The following PCDHGB4 variants were observed in gnomAD, a reference collection of about 807,000 sequenced individuals.
The protein encoded by PCDHGB4 is protocadherin gamma subfamily B, 4, also known as protocadherin gamma-B4.
In PCDHGB4, 38 loss-of-function variants were observed where a neutral mutation model predicts 60.5. That is an observed-to-expected ratio of 0.63 (90% CI 0.48 to 0.82). PCDHGB4 has a LOEUF of 0.82. Among genes scored for constraint, PCDHGB4 ranks in the 40% least tolerant of loss-of-function variants. The pLI, the probability that PCDHGB4 is intolerant of heterozygous loss-of-function variation, is 0.00. For missense variants in PCDHGB4, 1,109 were observed against 1,209.6 expected (o/e 0.92, Z 1.23); for synonymous variants, 456 against 509.7 (o/e 0.89, Z 1.42).
intron 2 of PCDHGB4, among the ~76,000 whole-genome samples, chr5:141,501,294 C>CAT (rs200497585): frequency 0.16 from 9,924 of 62,810 alleles, 350 homozygotes; most frequent in Non-Finnish European, 0.25. Flanking sequence ...CCCTTATACA[C>CAT]ACACACACAC....
intron 1 of PCDHGB4, among the ~76,000 whole-genome samples, chr5:141,480,259 G>A (rs1285833242): frequency 2.0e-5 from 3 of 151,174 alleles, no homozygotes; most frequent in African/African-American, 7.3e-5. Flanking sequence ...AAAAAAATGT[G>A]TTTTCATTAG....
chr5:141,456,299 A>G (rs11167748), intron 1 of PCDHGB4, among the ~76,000 whole-genome samples: 25,602 of 152,048 alleles, frequency 0.17, 2,205 homozygotes, highest in South Asian at 0.22. Context: ...TCTAATGGAG[A>G]ACAGCAGCTA....
At chr5:141,436,053 A>G (rs971342534) in intron 1 of PCDHGB4, among the ~76,000 whole-genome samples, 2 of 152,232 alleles carry the variant, frequency 1.3e-5, no homozygotes, top group African/African-American at 2.4e-5. Flanking sequence ...TAGTTTTCAA[A>G]TAGAATTTAA....
chr5:141,420,422 A>C, intron 1 of PCDHGB4: 1 of 1,196,438 alleles, frequency 8.4e-7, no homozygotes, highest in Non-Finnish European at 1.1e-6. Context: ...TATTAAAACA[A>C]AAGTTTAAAT....
Position 141,489,398 on chromosome 5 carries a change from G to A in PCDHGB4, c.2398-5409G>A, listed in dbSNP as rs2099686644. On this transcript the variant is annotated intron_variant, in intron 1 of 3. Transcript: ENST00000519479. This position sits in a 1 kb window ranked among gnomAD's most constrained non-coding sequence, Gnocchi z 4.5. The stretch of plus-strand genomic sequence containing the variant: ...GTGGGGAATGTTGCTCAGGATCTGG[G>A]CTTAAAGATGACAGATCTGTTGAGC... 6.2e-7 allele frequency: 1 copy of A among 1,614,064 alleles called. No homozygotes were observed. The highest frequency in any genetic ancestry group is 1.3e-5 in the African/African-American group (1 of 74,910).
chr5:141,404,738 A>C (rs1361110725), intron 1 of PCDHGB4: 24 of 1,613,674 alleles, frequency 1.5e-5, no homozygotes, highest in Non-Finnish European at 1.9e-5. Flanking sequence ...GGCAGTGGAC[A>C]GAGACTCAGG....
In PCDHGB4 at chr5:141,415,715, T is replaced by G. The variant is rs1051923200; in HGVS notation, c.2397+25434T>G. 4 of 1,428,132 alleles carry G rather than the reference T, an allele frequency of 2.8e-6. No individual in the cohort carries two copies. In the African/African-American group the frequency reaches 4.5e-5, roughly 16 times the overall value. The allele number at this position is 1,428,132 out of a possible 1,614,324, so 88.5% of individuals were successfully genotyped here. Reference sequence around the variant, plus strand: ...GAAAGTGTAAATGCTAAAACACTGATGAGTAGAATTTGATGTTTATTAAGG... The same window carrying G: ...GAAAGTGTAAATGCTAAAACACTGAGGAGTAGAATTTGATGTTTATTAAGG... On this transcript the variant is annotated intron_variant, in intron 1 of 3. Transcript: ENST00000519479.
chr5:141,421,410 G>A lies in PCDHGB4; in HGVS notation c.2397+31129G>A, dbSNP rs538537555. On this transcript the variant is annotated intron_variant, in intron 1 of 3. Transcript: ENST00000519479. ...TGGGGCTGGAGCCCCGGGAGCTGGCGAAGCGCGGAGTCCGCATCGTCTCCA... is the reference window on the plus strand; with the variant it reads ...TGGGGCTGGAGCCCCGGGAGCTGGCAAAGCGCGGAGTCCGCATCGTCTCCA... The A allele has an allele frequency of 3.7e-6, 6 of 1,614,084 alleles. No homozygotes were observed. In the African/African-American group the frequency reaches 6.7e-5, roughly 18 times the overall value.
At chr5:141,465,887 C>A (rs1267304672) in intron 1 of PCDHGB4, among the ~76,000 whole-genome samples, 1 of 152,040 alleles carries the variant, frequency 6.6e-6, no homozygotes, top group Non-Finnish European at 1.5e-5. Flanking sequence ...CTTTGGGAGG[C>A]CGAGGCGGGC....
At position 141,487,710 on chromosome 5, in the gene PCDHGB4, G is replaced by A. The variant is rs199722860; in HGVS notation, c.2398-7097G>A. ...CTAGAGAGTACTGGCCTCTCAGTAA[G>A]TGCCCATAGTGATGTCACCATTTTT... On this transcript the variant is annotated intron_variant, in intron 1 of 3. Transcript: ENST00000519479. The surrounding 1 kb of genome is among the most constrained non-coding windows in gnomAD (Gnocchi z 5.0). 3.8e-4 allele frequency: 596 copies of A among 1,586,168 alleles called. No individual in the cohort carries two copies. The highest frequency in any genetic ancestry group is 4.5e-4 in the Non-Finnish European group (529 of 1,164,386).
chr5:141,403,229 G>C, intron 1 of PCDHGB4: 1 of 1,613,950 alleles, frequency 6.2e-7, no homozygotes, highest in Non-Finnish European at 8.5e-7. Flanking sequence ...GATAGACCGG[G>C]AGGAGCTCTG....
intron 2 of PCDHGB4, among the ~76,000 whole-genome samples, chr5:141,495,233 A>G (rs1226612093): frequency 1.3e-5 from 2 of 152,196 alleles, no homozygotes; most frequent in African/African-American, 4.8e-5. Flanking sequence ...GCTGGGCTCC[A>G]TTATGACCTG....
intron 2 of PCDHGB4, among the ~76,000 whole-genome samples, chr5:141,498,945 G>C (rs1421135706): frequency 8.0e-6 from 1 of 125,434 alleles, no homozygotes; most frequent in Non-Finnish European, 1.6e-5. Context: ...AAGAAAGAAA[G>C]AAAAAGAGAG....
In PCDHGB4 at chr5:141,476,833, C is replaced by T. The variant is rs746365316; in HGVS notation, c.2398-17974C>T. 1.4e-5 allele frequency: 23 copies of T among 1,613,524 alleles called. No homozygotes were observed. Among genetic ancestry groups the T allele is most frequent in the Non-Finnish European group, 1.9e-5 (23 of 1,180,050 alleles). On this transcript the variant is annotated intron_variant, in intron 1 of 3. Coordinates refer to ENST00000519479, the MANE Select transcript of PCDHGB4 (RefSeq NM_003736.4). The surrounding 1 kb of genome is among the most constrained non-coding windows in gnomAD (Gnocchi z 7.6). Reference sequence around the variant, plus strand: ...ACATCAAGGTGCTGGACGCGAATGACAATGCGCCTGTCTTCAACCAGTCCT... The same window carrying T: ...ACATCAAGGTGCTGGACGCGAATGATAATGCGCCTGTCTTCAACCAGTCCT...
rs61612330 is a variant in PCDHGB4, at chr5:141,454,796, A to ATTTTTTTTTTTTTTTTT, written c.2398-39998_2398-39982dup. Among the ~76,000 whole-genome samples the ATTTTTTTTTTTTTTTTT allele has an allele frequency of 1.9e-3, 147 of 77,454 alleles. 11 individuals carry two copies. Among genetic ancestry groups the ATTTTTTTTTTTTTTTTT allele is most frequent in the Middle Eastern group, 0.017 (2 of 120 alleles). 50.8% of individuals were successfully genotyped at this position (77,454 alleles called of 152,430 possible). ...AAGGAAATAATCCTCCATGGTTCTA[A>ATTTTTTTTTTTTTTTTT]TTTTTTTTTTTTTTTTTTTTTTTTT... On this transcript the variant is annotated intron_variant, in intron 1 of 3. Coordinates refer to ENST00000519479, the MANE Select transcript of PCDHGB4 (RefSeq NM_003736.4).
chr5:141,454,464 T>C (rs1365696226), intron 1 of PCDHGB4, among the ~76,000 whole-genome samples: 1 of 152,196 alleles, frequency 6.6e-6, no homozygotes, highest in Non-Finnish European at 1.5e-5. Flanking sequence ...TGGAGTGCAA[T>C]GGCATGATCT....
At chr5:141,474,133 C>T (rs35162249) in intron 1 of PCDHGB4, among the ~76,000 whole-genome samples, 9,247 of 152,260 alleles carry the variant, frequency 0.061, 334 homozygotes, top group South Asian at 0.12. Flanking sequence ...CAGAAAACTA[C>T]AGGCCTTATT....
rs747179611 is a variant in PCDHGB4 at position 141,476,473 on chromosome 5, C to T, written c.2398-18334C>T. ...TAGTGGAGAACCCGCTGGAGCTGTT[C>T]AGCGTGGAAGTGGTGATCCAGGACA... On this transcript the variant is annotated intron_variant, in intron 1 of 3. Coordinates refer to ENST00000519479, the MANE Select transcript of PCDHGB4 (RefSeq NM_003736.4). The surrounding 1 kb of genome is among the most constrained non-coding windows in gnomAD (Gnocchi z 7.6). 3.1e-6 allele frequency: 5 copies of T among 1,613,888 alleles called. No homozygotes were observed. The highest frequency in any genetic ancestry group is 3.3e-5 in the Admixed American group (2 of 59,984).
intron 1 of PCDHGB4, among the ~76,000 whole-genome samples, chr5:141,447,493 T>A (rs538320272): frequency 3.3e-5 from 5 of 152,186 alleles, no homozygotes; most frequent in East Asian, 1.9e-4. Flanking sequence ...AGAAGGAATG[T>A]TTAGGATAAA....
Sources: gnomAD v4.1 joint callset for allele counts (sites outside exome capture counted in the v4.1 genomes callset) on GRCh38, gnomAD v4.1.1 for gene constraint, Gnocchi (gnomAD v3.1) non-coding constraint, MANE v1.5 for transcripts, NCBI Gene and HGNC (gene_info 2026-07-23, HGNC 2026-07-21) for gene names.